PCDH11X: variants seen among roughly 807,000 people sequenced by gnomAD.
The protein encoded by PCDH11X is protocadherin 11 X-linked, also known as protocadherin-11 X-linked.
In PCDH11X, 18 loss-of-function variants were observed where a neutral mutation model predicts 53.3. The observed-to-expected ratio is 0.34, with a 90% CI of 0.23 to 0.50. The LOEUF is 0.50. Ranked by LOEUF, PCDH11X falls within the 20% of genes least tolerant of loss-of-function variation. The pLI is 0.98. For synonymous variants in PCDH11X, 279 were observed against 393.3 expected (o/e 0.71, Z 3.44); for missense variants, 570 against 1,032.4 (o/e 0.55, Z 6.14).
chrX:92,241,145 G>C (rs1033254498), intron 7 of PCDH11X, among the ~76,000 whole-genome samples: 1 of 111,434 alleles, frequency 9.0e-6, no homozygotes, highest in African/African-American at 3.3e-5. Flanking sequence ...ATATAAATGA[G>C]AATAGTGGTC....
intron 10 of PCDH11X, among the ~76,000 whole-genome samples, chrX:92,516,141 T>G (rs2074265404): frequency 9.0e-6 from 1 of 111,379 alleles, no homozygotes; most frequent in East Asian, 2.8e-4. Context: ...TGAACATAAT[T>G]CTGCCTATTG....
chrX:92,556,594 G>T (rs982070548), intron 10 of PCDH11X, among the ~76,000 whole-genome samples: 1 of 111,949 alleles, frequency 8.9e-6, no homozygotes, highest in Non-Finnish European at 1.9e-5. Context: ...ATGGTCTTAG[G>T]CTGGTCCACC....
chrX:92,071,342 T>A lies in PCDH11X; in HGVS notation c.3034-130033T>A, dbSNP rs770315665. 1.2e-4 allele frequency among the ~76,000 whole-genome samples: 13 copies of A among 110,971 alleles called. No individual in the cohort carries two copies. The East Asian group carries it at 3.7e-3, about 32-fold the overall frequency. ...CTCTAGAATTGTTGGATTTATCTGA[T>A]AAAATTCTGAATTCCTTCTCTGTGT... On this transcript the variant is annotated intron_variant, in intron 6 of 10. Coordinates refer to ENST00000682573, the MANE Select transcript of PCDH11X (RefSeq NM_032968.5).
intron 8 of PCDH11X, among the ~76,000 whole-genome samples, chrX:92,386,585 G>T (rs1247172021): frequency 9.0e-6 from 1 of 110,886 alleles, no homozygotes; most frequent in African/African-American, 3.3e-5. Context: ...TAAGTAGGGG[G>T]TGCTCAAATG....
intron 6 of PCDH11X, among the ~76,000 whole-genome samples, chrX:91,886,655 C>T (rs757817957): frequency 1.4e-3 from 149 of 107,692 alleles, no homozygotes; most frequent in Non-Finnish European, 2.7e-3. Flanking sequence ...GTTGACCACC[C>T]TGTCCACATT....
chrX:92,286,288 A>G (rs1296020667), intron 8 of PCDH11X, among the ~76,000 whole-genome samples: 1 of 109,397 alleles, frequency 9.1e-6, no homozygotes, highest in African/African-American at 3.3e-5. Context: ...GGAAAAAATT[A>G]TTTAATGTTG....
intron 6 of PCDH11X, chrX:92,113,684 G>A (rs1264236698): frequency 1.7e-6 from 2 of 1,199,957 alleles, no homozygotes; most frequent in African/African-American, 3.7e-5. Context: ...AGTGTGTCCA[G>A]CTTCCACTCC....
intron 10 of PCDH11X, among the ~76,000 whole-genome samples, chrX:92,568,294 C>T (rs1238294661): frequency 8.2e-5 from 9 of 109,358 alleles, no homozygotes; most frequent in South Asian, 4.0e-4. Flanking sequence ...TGGTGGCGGG[C>T]GCCTGTAGTC....
At chrX:92,406,098 CAAAAAAAAA>C (rs61310716) in intron 9 of PCDH11X, among the ~76,000 whole-genome samples, 1 of 56,498 alleles carries the variant, frequency 1.8e-5, no homozygotes, top group African/African-American at 7.2e-5. Context: ...GACTCTGTCT[CAAAAAAAAA>C]AAAAAAAAAA....
chrX:92,176,320 AT>A (rs1387635411), intron 6 of PCDH11X, among the ~76,000 whole-genome samples: 2 of 112,030 alleles, frequency 1.8e-5, no homozygotes, highest in Non-Finnish European at 3.8e-5. Context: ...AATTTAATGG[AT>A]TAGCCAAATC....
At chrX:92,097,137 A>T (rs957266274) in intron 6 of PCDH11X, among the ~76,000 whole-genome samples, 8 of 111,116 alleles carry the variant, frequency 7.2e-5, no homozygotes, top group African/African-American at 2.3e-4. Context: ...AAAGTCAGGG[A>T]CCACGCATGG....
At chrX:92,201,581 G>T in intron 7 of PCDH11X, 126 bp downstream of exon 7, 2 of 395,547 alleles carry the variant, frequency 5.1e-6, no homozygotes, top group Non-Finnish European at 8.6e-6. Context: ...GTGATTTTGT[G>T]CTGGACTCAA....
intron 6 of PCDH11X, among the ~76,000 whole-genome samples, chrX:91,882,124 T>G (rs1939937960): frequency 9.0e-6 from 1 of 110,776 alleles, no homozygotes; most frequent in Non-Finnish European, 1.9e-5. Flanking sequence ...TATGGAACAT[T>G]TATTAGATAG....
rs772974089 is a variant in PCDH11X, at chrX:92,618,855, T to A, written c.3959T>A (p.Val1320Asp). ...RLHPSDDSIK[V>D]IPLTTFTPRQ... is the part of the protein sequence containing the mutation. ...CATCCCAGTGATGATTCAATTAAAG[T>A]CATTCCTTTGACAACCTTCACTCCA... Residue 1320 changes from valine to aspartate, a missense_variant, in exon 11 of 11, where the codon GTC (valine) becomes GAC (aspartate). This residue lies in a region of PCDH11X where 234 missense variants were observed against 296.1 expected (regional missense o/e 0.79). Transcript: ENST00000682573. 8 of 1,211,847 alleles carry A rather than the reference T, an allele frequency of 6.6e-6. No individual in the cohort carries two copies. The highest frequency in any genetic ancestry group is 8.9e-6 in the Non-Finnish European group (8 of 895,449).
chrX:92,390,221 C>A (rs1277817327), intron 9 of PCDH11X, among the ~76,000 whole-genome samples: 4 of 109,891 alleles, frequency 3.6e-5, no homozygotes, highest in Non-Finnish European at 5.7e-5. Context: ...AAACCTCCCC[C>A]CTAAATCATG....
intron 8 of PCDH11X, among the ~76,000 whole-genome samples, chrX:92,326,275 T>A (rs759449954): frequency 1.8e-5 from 2 of 109,189 alleles, no homozygotes; most frequent in East Asian, 6.0e-4. Context: ...CTCGGGGTAA[T>A]CAGATTGCTT....
chrX:92,112,913 A>T lies in PCDH11X; in HGVS notation c.3034-88462A>T, dbSNP rs1373916462. 2.7e-5 allele frequency among the ~76,000 whole-genome samples: 3 copies of T among 109,331 alleles called. 1 individual carries two copies. Among genetic ancestry groups the T allele is most frequent in the African/African-American group, 1.0e-4 (3 of 28,753 alleles). 94.9% of individuals were successfully genotyped at this position (109,331 alleles called of 115,157 possible). On this transcript the variant is annotated intron_variant, in intron 6 of 10. Coordinates refer to ENST00000682573, the MANE Select transcript of PCDH11X (RefSeq NM_032968.5). The stretch of plus-strand genomic sequence containing the variant: ...TGCAAGAGATTAACGCCAGTGCTAG[A>T]TTATATTTAAAACACTTAGTTTATT...
chrX:91,861,252 A>G (rs971088515), intron 5 of PCDH11X, among the ~76,000 whole-genome samples: 22 of 111,756 alleles, frequency 2.0e-4, no homozygotes, highest in Non-Finnish European at 3.4e-4. Context: ...TAGATTTTCT[A>G]GTTTATTTGC....
chrX:92,610,109 C>G (rs889374114), intron 10 of PCDH11X, among the ~76,000 whole-genome samples: 3 of 111,560 alleles, frequency 2.7e-5, no homozygotes, highest in Non-Finnish European at 5.7e-5. Context: ...GGAGATAATA[C>G]TCAGTAATGA....
Sources: allele counts gnomAD v4.1 joint callset (sites outside exome capture counted in the v4.1 genomes callset), GRCh38; gene constraint gnomAD v4.1.1; regional missense constraint gnomAD v4.1.1; transcripts MANE v1.5; gene names NCBI Gene and HGNC (gene_info 2026-07-23, HGNC 2026-07-21).